The following TSPAN12 variants were observed in gnomAD, a reference collection of about 807,000 sequenced individuals.
The protein encoded by TSPAN12 is tetraspanin 12, also known as tetraspanin-12.
Under a neutral mutation model 39.2 loss-of-function variants are expected in TSPAN12, and 19 were observed. The ratio of observed to expected loss-of-function variants is 0.49; its 90% CI spans 0.34 to 0.71. The LOEUF (loss-of-function observed/expected upper bound fraction) is 0.71, where lower values mean the gene tolerates loss of function less well. TSPAN12 is among the 30% of genes least tolerant of loss of function. TSPAN12 has a pLI of 0.01. For synonymous variants in TSPAN12, 119 were observed against 124.8 expected, an observed-to-expected ratio of 0.95 and a Z score of 0.31; for missense variants, 314 against 359.9, an observed-to-expected ratio of 0.87 and a Z score of 1.03.
chr7:120,824,944 G>C (rs548130437), intron 4 of TSPAN12, among the ~76,000 whole-genome samples: 1 of 152,182 alleles, frequency 6.6e-6, no homozygotes, highest in South Asian at 2.1e-4. Context: ...CTCTCTACAT[G>C]TAAAACTTAA....
chr7:120,816,752 TA>T (rs1794091555), intron 4 of TSPAN12, among the ~76,000 whole-genome samples: 1 of 152,054 alleles, frequency 6.6e-6, no homozygotes, highest in South Asian at 2.1e-4. Flanking sequence ...AATGACATTA[TA>T]AACTGATAAA....
intron 4 of TSPAN12, among the ~76,000 whole-genome samples, chr7:120,831,057 C>T (rs1287351144): frequency 1.3e-5 from 2 of 151,882 alleles, no homozygotes. Context: ...AAATGCTCAA[C>T]ATCACTGTTA....
At chr7:120,845,276 T>C (rs983905185) in intron 2 of TSPAN12, among the ~76,000 whole-genome samples, 5 of 152,226 alleles carry the variant, frequency 3.3e-5, no homozygotes, top group African/African-American at 4.8e-5. Context: ...TGAAGGTCTC[T>C]GAAATGCCTT....
At chr7:120,837,056 T>G (rs1250767471) in intron 4 of TSPAN12, among the ~76,000 whole-genome samples, 1 of 152,212 alleles carries the variant, frequency 6.6e-6, no homozygotes, top group Non-Finnish European at 1.5e-5. Flanking sequence ...GACATCATTG[T>G]AAGACTGCGT....
chr7:120,803,832 G>C (rs1793819860), intron 7 of TSPAN12, among the ~76,000 whole-genome samples: 1 of 152,086 alleles, frequency 6.6e-6, no homozygotes, highest in Non-Finnish European at 1.5e-5. Flanking sequence ...TATCCTAAAA[G>C]TAAAGCATCC....
intron 2 of TSPAN12, among the ~76,000 whole-genome samples, chr7:120,844,822 G>T (rs896811329): frequency 4.6e-5 from 7 of 152,226 alleles, no homozygotes; most frequent in Non-Finnish European, 5.9e-5. Flanking sequence ...GTCTGGAGGA[G>T]AGTGGCCCTC....
At chr7:120,843,591 T>C (rs1348706364) in intron 2 of TSPAN12, among the ~76,000 whole-genome samples, 1 of 152,212 alleles carries the variant, frequency 6.6e-6, no homozygotes, top group Non-Finnish European at 1.5e-5. Context: ...GTATAAGCAC[T>C]TGCCCACAGT....
intron 4 of TSPAN12, among the ~76,000 whole-genome samples, chr7:120,817,585 T>C (rs370477920): frequency 1.3e-5 from 2 of 152,128 alleles, no homozygotes; most frequent in East Asian, 1.9e-4. Context: ...AAACAGCAGA[T>C]AATGTGACTT....
At chr7:120,831,958 TA>T (rs1794398253) in intron 4 of TSPAN12, among the ~76,000 whole-genome samples, 1 of 151,888 alleles carries the variant, frequency 6.6e-6, no homozygotes, top group African/African-American at 2.4e-5. Context: ...TAATTACAAA[TA>T]AAAAATTTTA....
chr7:120,799,504 A>AT (rs1793701425), intron 7 of TSPAN12, among the ~76,000 whole-genome samples: 1 of 105,364 alleles, frequency 9.5e-6, no homozygotes, highest in African/African-American at 3.7e-5. Context: ...ATTTTTAATT[A>AT]ATTAATTATA....
chr7:120,844,516 C>A (rs1302665682), intron 2 of TSPAN12, among the ~76,000 whole-genome samples: 2 of 152,208 alleles, frequency 1.3e-5, no homozygotes, highest in Non-Finnish European at 2.9e-5. Context: ...CTAAACAGTA[C>A]CATTCCAAAA....
At chr7:120,793,238 T>G (rs1043767913) in intron 7 of TSPAN12, among the ~76,000 whole-genome samples, 2 of 152,254 alleles carry the variant, frequency 1.3e-5, no homozygotes, top group Non-Finnish European at 2.9e-5. Context: ...AAAATGACAT[T>G]GATTTGTAAC....
At chr7:120,849,048 T>C (rs1347566205) in intron 2 of TSPAN12, among the ~76,000 whole-genome samples, 2 of 152,240 alleles carry the variant, frequency 1.3e-5, no homozygotes, top group East Asian at 3.8e-4. Context: ...CCACTCACAT[T>C]GGCTAAATTA....
chr7:120,824,181 C>T (rs1168137114), intron 4 of TSPAN12, among the ~76,000 whole-genome samples: 1 of 151,624 alleles, frequency 6.6e-6, no homozygotes, highest in African/African-American at 2.4e-5. Flanking sequence ...CCCATTAAAA[C>T]TATACATTTG....
rs536917517 is a variant in TSPAN12, at chr7:120,790,304, C to T, written c.613-1407G>A. On this transcript the variant is annotated intron_variant, in intron 7 of 7. Transcript: ENST00000222747. ...TCATGAACTGCTATGTCATTTGGGG[C>T]AAGTTACTTAATCTCTCTGTGCTTC... is the stretch of plus-strand genomic sequence containing the variant. Among the ~76,000 whole-genome samples, 7 of 152,224 alleles carry T rather than the reference C, an allele frequency of 4.6e-5. No homozygotes were observed. The East Asian group carries it at 1.4e-3, about 29-fold the overall frequency.
chr7:120,857,611 G>A (rs1036917583), intron 1 of TSPAN12, among the ~76,000 whole-genome samples: 1 of 152,084 alleles, frequency 6.6e-6, no homozygotes, highest in Admixed American at 6.5e-5. Flanking sequence ...GCGACCCCTC[G>A]CTCAAAGCCG....
intron 5 of TSPAN12, chr7:120,814,161 A>C: frequency 2.2e-6 from 1 of 456,372 alleles, no homozygotes; most frequent in Non-Finnish European, 4.4e-6. Context: ...GCACAATAGT[A>C]GATTCACCAA....
chr7:120,828,021 A>G (rs1794322107), intron 4 of TSPAN12, among the ~76,000 whole-genome samples: 2 of 152,196 alleles, frequency 1.3e-5, no homozygotes, highest in South Asian at 4.1e-4. Flanking sequence ...AGACATCTAG[A>G]TTAATAGAAT....
rs551293614 is a variant in TSPAN12, at chr7:120,838,027, C to T, written c.285+750G>A. ...AATACACAGCCAGGGCTGAGACCTA[C>T]TATAAAAAAAGCGTATACTCAATGA... On this transcript the variant is annotated intron_variant, in intron 4 of 7. Coordinates refer to ENST00000222747, the MANE Select transcript of TSPAN12 (RefSeq NM_012338.4). Among the ~76,000 whole-genome samples, 8 of 152,274 alleles carry T rather than the reference C, an allele frequency of 5.3e-5. No individual in the cohort carries two copies. The South Asian group carries it at 1.5e-3, about 28-fold the overall frequency.
Sources: gnomAD v4.1 joint callset for allele counts (sites outside exome capture counted in the v4.1 genomes callset) on GRCh38, gnomAD v4.1.1 for gene constraint, MANE v1.5 for transcripts, NCBI Gene and HGNC (gene_info 2026-07-23, HGNC 2026-07-21) for gene names.